WDR89: variants seen among roughly 807,000 people sequenced by gnomAD.
The protein encoded by WDR89 is WD repeat domain 89, also known as WD repeat-containing protein 89.
Under a neutral mutation model 29.1 loss-of-function variants are expected in WDR89, and 17 were observed. That is an observed-to-expected ratio of 0.58 (90% confidence interval 0.40 to 0.88). The LOEUF is 0.88. WDR89 is among the 40% of genes least tolerant of loss of function. WDR89 has a pLI of 0.00. For missense variants in WDR89, 396 were observed against 456.3 expected (o/e 0.87, Z 1.20); for synonymous variants, 138 against 157.8 (o/e 0.87, Z 0.94).
Position 63,637,953 on chromosome 14 carries a change from T to A in WDR89, c.-138+3851A>T, listed in dbSNP as rs545167723. On this transcript the variant is annotated intron_variant, in intron 1 of 2. Transcript: ENST00000620954. ...TGTACCCCAATAACTTACGGAAAAA[T>A]TTTTTTTTTTTCAAAACAGCCTCGC... Among the ~76,000 whole-genome samples the A allele has an allele frequency of 2.5e-3, 370 of 147,078 alleles. 1 individual carries two copies. Among genetic ancestry groups the A allele is most frequent in the African/African-American group, 5.9e-3 (236 of 40,196 alleles).
chr14:63,622,315 C>T (rs555446530), intron 2 of WDR89, among the ~76,000 whole-genome samples: 49 of 152,242 alleles, frequency 3.2e-4, no homozygotes, highest in African/African-American at 1.1e-3. Flanking sequence ...CGTGGTGGCT[C>T]ATGCCTGTAA....
chr14:63,639,982 T>C (rs1883997774), intron 1 of WDR89, among the ~76,000 whole-genome samples: 1 of 152,178 alleles, frequency 6.6e-6, no homozygotes, highest in African/African-American at 2.4e-5. Context: ...ATTTACAAAG[T>C]GAGAGAAAAG....
At chr14:63,609,730 C>T (rs1309757648) in intron 2 of WDR89, among the ~76,000 whole-genome samples, 1 of 151,976 alleles carries the variant, frequency 6.6e-6, no homozygotes, top group African/African-American at 2.4e-5. Context: ...GTGGAGGTTA[C>T]AGTGAGCCAA....
rs747960741 is a variant in WDR89 at position 63,599,446 on chromosome 14, G to C, written c.497C>G (p.Ser166Ter). Residue 166 changes from serine to a stop codon, truncating the protein, a stop_gained, in exon 3 of 3, where the codon TCA becomes TGA. Coordinates refer to ENST00000620954, the MANE Select transcript of WDR89 (RefSeq NM_080666.4). LOFTEE classifies it high-confidence loss of function. ...STTKDSLGAY[S>*]ETHSDDVTQV... Reference sequence around the variant, plus strand: ...AGTGACATCATCACTATGTGTCTCTGAATATGCACCAAGTGAGTCTTTAGT... The same window carrying C: ...AGTGACATCATCACTATGTGTCTCTCAATATGCACCAAGTGAGTCTTTAGT... 2.5e-6 allele frequency: 4 copies of C among 1,614,168 alleles called. No individual in the cohort carries two copies. The highest frequency in any genetic ancestry group is 1.7e-6 in the Non-Finnish European group (2 of 1,180,016).
chr14:63,622,432 T>A (rs1882757765), intron 2 of WDR89, among the ~76,000 whole-genome samples: 1 of 151,442 alleles, frequency 6.6e-6, no homozygotes, highest in African/African-American at 2.4e-5. Flanking sequence ...TACAAAAAAA[T>A]TAACTGGGCG....
intron 1 of WDR89, among the ~76,000 whole-genome samples, chr14:63,639,638 C>T (rs984419987): frequency 2.0e-5 from 3 of 152,044 alleles, no homozygotes; most frequent in African/African-American, 7.2e-5. Context: ...TCAGATTTAT[C>T]AAAATTCTCT....
intron 2 of WDR89, among the ~76,000 whole-genome samples, chr14:63,620,386 T>C (rs1882619211): frequency 6.6e-6 from 1 of 152,160 alleles, no homozygotes; most frequent in South Asian, 2.1e-4. Context: ...TATACAAACG[T>C]ACATATCTAT....
chr14:63,613,682 A>T (rs371849449), intron 2 of WDR89, among the ~76,000 whole-genome samples: 71 of 151,916 alleles, frequency 4.7e-4, no homozygotes, highest in African/African-American at 1.5e-3. Context: ...TTGTATTTTT[A>T]GTAGAGATGG....
chr14:63,599,296 A>C lies in WDR89; in HGVS notation c.647T>G (p.Ile216Ser), dbSNP rs147383587. The stretch of plus-strand genomic sequence containing the variant: ...CCAACCAATACAGCTTACTGATGAA[A>C]TTGAGTTACAGGTTGTAACCAGTGC... ...EDALVTTCNS[I>S]SSVSCIGWSG... The change falls in exon 3 of 3, where the codon ATT becomes AGT. Residue 216 changes from isoleucine to serine, a missense_variant. Transcript: ENST00000620954. The C allele has an allele frequency of 6.2e-7, 1 of 1,613,842 alleles. No individual in the cohort carries two copies. Among genetic ancestry groups the C allele is most frequent in the Non-Finnish European group, 8.5e-7 (1 of 1,179,936 alleles).
chr14:63,605,211 T>TACACACAC (rs200461481), intron 2 of WDR89, among the ~76,000 whole-genome samples: 4,894 of 102,486 alleles, frequency 0.048, 185 homozygotes, highest in African/African-American at 0.1. Context: ...TACATACACA[T>TACACACAC]ACACACACAC....
chr14:63,627,284 C>G (rs1270915094), intron 1 of WDR89, among the ~76,000 whole-genome samples: 1 of 151,602 alleles, frequency 6.6e-6, no homozygotes, highest in African/African-American at 2.4e-5. Context: ...AAGCATCTAT[C>G]CAAAATTAAA....
intron 2 of WDR89, among the ~76,000 whole-genome samples, chr14:63,605,861 G>C (rs1301885417): frequency 6.6e-6 from 1 of 152,158 alleles, no homozygotes; most frequent in East Asian, 1.9e-4. Context: ...GCGTATTCCA[G>C]AATGCACTGT....
At chr14:63,610,229 A>G (rs1321321567) in intron 2 of WDR89, among the ~76,000 whole-genome samples, 1 of 151,002 alleles carries the variant, frequency 6.6e-6, no homozygotes, top group Non-Finnish European at 1.5e-5. Flanking sequence ...TAAAAAAAAA[A>G]AAAAAAAAAA....
Position 63,598,662 on chromosome 14 carries a change from A to T in WDR89, c.*117T>A. On this transcript the variant is annotated 3_prime_UTR_variant, in exon 3 of 3. Coordinates refer to ENST00000620954, the MANE Select transcript of WDR89 (RefSeq NM_080666.4). ...ACCATTCTCACCATATTTTTCCAGG[A>T]CTGTTTGCTAACTGGCTTGTTTTTA... is the stretch of plus-strand genomic sequence containing the variant. 2 of 907,654 alleles carry T rather than the reference A, an allele frequency of 2.2e-6. No homozygotes were observed. Among genetic ancestry groups the T allele is most frequent in the East Asian group, 5.7e-5 (2 of 35,338 alleles). The allele number at this position is 907,654 out of a possible 1,614,324, so 56.2% of individuals were successfully genotyped here.
intron 1 of WDR89, among the ~76,000 whole-genome samples, chr14:63,638,200 C>T (rs1157942616): frequency 6.6e-6 from 1 of 152,138 alleles, no homozygotes; most frequent in Non-Finnish European, 1.5e-5. Flanking sequence ...CCGCCTCGGC[C>T]TCCCAAAGTG....
At chr14:63,610,888 G>T (rs538834929) in intron 2 of WDR89, among the ~76,000 whole-genome samples, 42 of 151,896 alleles carry the variant, frequency 2.8e-4, no homozygotes, top group Middle Eastern at 3.4e-3. Flanking sequence ...TTCTAGTACA[G>T]ATGGGGTTTC....
chr14:63,607,228 T>C (rs1303525039), intron 2 of WDR89, among the ~76,000 whole-genome samples: 1 of 152,176 alleles, frequency 6.6e-6, no homozygotes, highest in Non-Finnish European at 1.5e-5. Context: ...AGTGACACCA[T>C]CTCGGTTCAC....
intron 2 of WDR89, among the ~76,000 whole-genome samples, chr14:63,609,527 G>A (rs1355469266): frequency 1.3e-5 from 2 of 152,108 alleles, no homozygotes; most frequent in African/African-American, 4.8e-5. Context: ...GGTAGTTCAC[G>A]CCTGTAATCC....
At chr14:63,630,507 G>T (rs1240335584) in intron 1 of WDR89, among the ~76,000 whole-genome samples, 1 of 151,912 alleles carries the variant, frequency 6.6e-6, no homozygotes, top group Admixed American at 6.6e-5. Context: ...AGCCGGGATG[G>T]TGGCCCACGC....
Sources: gnomAD v4.1 joint callset for allele counts (sites outside exome capture counted in the v4.1 genomes callset) on GRCh38, gnomAD v4.1.1 for gene constraint, MANE v1.5 for transcripts, NCBI Gene and HGNC (gene_info 2026-07-23, HGNC 2026-07-21) for gene names.